STAU2: variants seen among roughly 807,000 people sequenced by gnomAD.
STAU2 encodes the protein double-stranded RNA-binding protein Staufen homolog 2.
A neutral mutation model predicts 65.9 loss-of-function variants in STAU2; 20 were observed. The ratio of observed to expected loss-of-function variants is 0.30; its 90% CI spans 0.21 to 0.44. STAU2 has a LOEUF of 0.44. Ranked by LOEUF, STAU2 falls within the 20% of genes least tolerant of loss-of-function variation. The pLI is 1.00. For missense variants in STAU2, 558 were observed against 683.9 expected (o/e 0.82, Z 2.05); for synonymous variants, 232 against 233.9 (o/e 0.99, Z 0.07).
chr8:73,583,802 G>A (rs778187585), intron 11 of STAU2, among the ~76,000 whole-genome samples: 1 of 152,056 alleles, frequency 6.6e-6, no homozygotes, highest in Non-Finnish European at 1.5e-5. Context: ...ATTAGTGTTT[G>A]GTATAAAATA....
chr8:73,582,796 G>C lies in STAU2; in HGVS notation c.1196C>G (p.Pro399Arg). Residue 399 changes from proline to arginine, a missense_variant, in exon 12 of 15, where the codon CCT (proline) becomes CGT (arginine). Physicochemically the swap from Pro to Arg is moderately radical, Grantham distance 103. Coordinates refer to ENST00000524300, the MANE Select transcript of STAU2 (RefSeq NM_001164380.2). ...GENKGWSGPKPGFPEPTNNTP... is the reference protein window; with the variant it reads ...GENKGWSGPKRGFPEPTNNTP... ...ATTATTTGTTGGTTCAGGAAACCCA[G>C]GCTTTGGACCACTCCATCCTTTGTT... The C allele has an allele frequency of 6.2e-7, 1 of 1,612,106 alleles. No homozygotes were observed. The highest frequency in any genetic ancestry group is 1.1e-5 in the South Asian group (1 of 90,864).
At chr8:73,591,215 T>C (rs1810748212) in intron 11 of STAU2, among the ~76,000 whole-genome samples, 1 of 151,430 alleles carries the variant, frequency 6.6e-6, no homozygotes. Context: ...GTTTGAAAAA[T>C]ATAGAAAACT....
chr8:73,718,453 C>T (rs1821408701), intron 3 of STAU2, among the ~76,000 whole-genome samples: 1 of 152,098 alleles, frequency 6.6e-6, no homozygotes, highest in African/African-American at 2.4e-5. Context: ...ACTAAATAAA[C>T]CAAGAAAGGG....
At chr8:73,495,685 A>ATATATATATATG (rs1199482749) in intron 13 of STAU2, among the ~76,000 whole-genome samples, 2 of 147,622 alleles carry the variant, frequency 1.4e-5, no homozygotes, top group African/African-American at 5.0e-5. Flanking sequence ...ATATATATAT[A>ATATATATATATG]TATGTATAGT....
At chr8:73,615,439 T>C (rs1812760888) in intron 8 of STAU2, among the ~76,000 whole-genome samples, 1 of 152,118 alleles carries the variant, frequency 6.6e-6, no homozygotes, top group Non-Finnish European at 1.5e-5. Context: ...ATAATAAAAA[T>C]TGAAATACCA....
intron 13 of STAU2, chr8:73,550,682 T>C (rs1807269969): frequency 1.0e-6 from 1 of 985,830 alleles, no homozygotes. Flanking sequence ...TTTCTTAAGG[T>C]AAAACAACAA....
intron 13 of STAU2, among the ~76,000 whole-genome samples, chr8:73,510,823 CAT>C (rs537723190): frequency 1.2e-4 from 19 of 152,328 alleles, no homozygotes; most frequent in Non-Finnish European, 2.5e-4. Context: ...CCTCCCACGA[CAT>C]GTGGGGATTA....
intron 13 of STAU2, among the ~76,000 whole-genome samples, chr8:73,496,257 A>G (rs1435452930): frequency 2.0e-5 from 3 of 150,696 alleles, no homozygotes; most frequent in Non-Finnish European, 4.5e-5. Context: ...AGAAAATTCC[A>G]AGATGTTTCT....
chr8:73,689,915 A>T (rs1819206270), intron 4 of STAU2, among the ~76,000 whole-genome samples: 1 of 151,968 alleles, frequency 6.6e-6, no homozygotes, highest in Admixed American at 6.6e-5. Context: ...GAATCTAATC[A>T]CAGGGAAACA....
chr8:73,650,209 T>C (rs892424962), intron 6 of STAU2, among the ~76,000 whole-genome samples: 3 of 151,962 alleles, frequency 2.0e-5, no homozygotes, highest in African/African-American at 7.2e-5. Flanking sequence ...TATGAGAGCA[T>C]AGAGTCATGC....
intron 6 of STAU2, among the ~76,000 whole-genome samples, chr8:73,647,907 T>G (rs559393058): frequency 2.0e-5 from 3 of 152,256 alleles, no homozygotes; most frequent in Non-Finnish European, 4.4e-5. Context: ...TTTGCTGCAG[T>G]GCTTGCATGA....
chr8:73,681,635 T>A (rs944689539), intron 5 of STAU2, among the ~76,000 whole-genome samples: 4 of 152,018 alleles, frequency 2.6e-5, no homozygotes, highest in Non-Finnish European at 5.9e-5. Context: ...TTAATACTAA[T>A]GTTGAATGTA....
chr8:73,521,381 C>A (rs1016858774), intron 13 of STAU2, among the ~76,000 whole-genome samples: 9 of 152,168 alleles, frequency 5.9e-5, no homozygotes, highest in South Asian at 2.1e-4. Context: ...AGCAAATATA[C>A]AACTGCTAGA....
At chr8:73,445,347 G>A (rs1228458140) in intron 13 of STAU2, among the ~76,000 whole-genome samples, 4 of 151,818 alleles carry the variant, frequency 2.6e-5, no homozygotes, top group Non-Finnish European at 5.9e-5. Context: ...TTTTTTATAC[G>A]AAAGTACAAA....
chr8:73,673,340 G>T (rs1817818036), intron 5 of STAU2, 98 bp from the exon 6 acceptor site: 1 of 1,197,124 alleles, frequency 8.4e-7, no homozygotes, highest in Non-Finnish European at 1.1e-6. Flanking sequence ...CATGGAAGAA[G>T]GTAAGAATGG....
chr8:73,600,580 T>G (rs1387911836), intron 10 of STAU2, among the ~76,000 whole-genome samples: 2 of 152,234 alleles, frequency 1.3e-5, no homozygotes, highest in African/African-American at 2.4e-5. Context: ...ATGCTTTGTT[T>G]GTTCCCCCAG....
chr8:73,651,909 C>G (rs1026285405), intron 6 of STAU2, among the ~76,000 whole-genome samples: 1 of 152,214 alleles, frequency 6.6e-6, no homozygotes, highest in Non-Finnish European at 1.5e-5. Context: ...CCCTGACCCA[C>G]GCAAAGGTTC....
chr8:73,611,623 T>C lies in STAU2; in HGVS notation c.891+2121A>G, dbSNP rs538638940. Among the ~76,000 whole-genome samples the C allele has an allele frequency of 2.6e-5, 4 of 151,458 alleles. No individual in the cohort carries two copies. The South Asian group carries it at 8.3e-4, about 32-fold the overall frequency. On this transcript the variant is annotated intron_variant, in intron 9 of 14. Coordinates refer to ENST00000524300, the MANE Select transcript of STAU2 (RefSeq NM_001164380.2). ...TTAGATTTATATCCTACTATAGAAA[T>C]GTACAGATCTTTTCCAGCCTAACAG...
intron 11 of STAU2, among the ~76,000 whole-genome samples, chr8:73,589,658 T>C (rs903088296): frequency 9.9e-5 from 15 of 152,074 alleles, no homozygotes; most frequent in Admixed American, 5.2e-4. Flanking sequence ...TGTAGACAAA[T>C]CAACAGAAAT....
Sources: gnomAD v4.1 joint callset for allele counts (sites outside exome capture counted in the v4.1 genomes callset) on GRCh38, gnomAD v4.1.1 for gene constraint, MANE v1.5 for transcripts, NCBI Gene and HGNC (gene_info 2026-07-23, HGNC 2026-07-21) for gene names.